The following ENTREP2 variants were observed in gnomAD, a reference collection of about 807,000 sequenced individuals.
ENTREP2 encodes the protein protein ENTREP2.
the ENTREP2 span, chr15:29,609,822 T>C: frequency 1.3e-5 from 2 of 150,498 alleles, no homozygotes; most frequent in African/African-American, 2.4e-5. Flanking sequence ...AATAGTTCAA[T>C]AAGGATATGA....
At chr15:29,558,576 C>T in the ENTREP2 span, among the ~76,000 whole-genome samples, 5 of 149,700 alleles carry the variant, frequency 3.3e-5, no homozygotes, top group African/African-American at 4.9e-5. Flanking sequence ...CTCCAATCTA[C>T]GGCTGACCCT....
At chr15:29,656,725 G>C in the ENTREP2 span, among the ~76,000 whole-genome samples, 1 of 152,134 alleles carries the variant, frequency 6.6e-6, no homozygotes, top group Non-Finnish European at 1.5e-5. Context: ...TGGTGCAACA[G>C]ACTCTCTCAT....
chr15:29,304,329 G>C, the ENTREP2 span, among the ~76,000 whole-genome samples: 2 of 152,080 alleles, frequency 1.3e-5, no homozygotes, highest in South Asian at 4.1e-4. Context: ...CCAAAATTAA[G>C]AGAATGTACA....
At chr15:29,650,688 TTGG>T in the ENTREP2 span, among the ~76,000 whole-genome samples, 173 of 152,154 alleles carry the variant, frequency 1.1e-3, no homozygotes, top group Admixed American at 3.1e-3. Flanking sequence ...ACAACTTAAA[TTGG>T]TGGTGATGTG....
At chr15:29,649,057 T>TACACACACACACACACACACAC in the ENTREP2 span, among the ~76,000 whole-genome samples, 1 of 144,882 alleles carries the variant, frequency 6.9e-6, no homozygotes, top group Non-Finnish European at 1.5e-5. Context: ...GGGACACATG[T>TACACACACACACACACACACAC]ACACACACAC....
At chr15:29,474,448 T>C in the ENTREP2 span, among the ~76,000 whole-genome samples, 1 of 152,334 alleles carries the variant, frequency 6.6e-6, no homozygotes, top group African/African-American at 2.4e-5. Flanking sequence ...TTCAGGTTCA[T>C]GGTCAAGTCC....
chr15:29,269,405 G>C, the ENTREP2 span: 17 of 1,614,126 alleles, frequency 1.1e-5, no homozygotes, highest in Non-Finnish European at 1.4e-5. Context: ...ATCTTCTTCT[G>C]GTCTTTAATC....
the ENTREP2 span, among the ~76,000 whole-genome samples, chr15:29,229,296 A>C: frequency 2.0e-5 from 3 of 152,190 alleles, no homozygotes; most frequent in Admixed American, 1.3e-4. Flanking sequence ...TAAAGGTTAA[A>C]ATTTTGAAAT....
chr15:29,427,880 G>A, the ENTREP2 span, among the ~76,000 whole-genome samples: 1 of 152,170 alleles, frequency 6.6e-6, no homozygotes, highest in Non-Finnish European at 1.5e-5. Flanking sequence ...ACTGCCTGGT[G>A]AGAAACACCA....
At chr15:29,157,886 C>A in the ENTREP2 span, among the ~76,000 whole-genome samples, 1 of 152,048 alleles carries the variant, frequency 6.6e-6, no homozygotes, top group Non-Finnish European at 1.5e-5. Flanking sequence ...TACGCCACCA[C>A]GCCCAGCTGA....
the ENTREP2 span, among the ~76,000 whole-genome samples, chr15:29,600,494 C>T: frequency 6.8e-6 from 1 of 147,120 alleles, no homozygotes; most frequent in East Asian, 1.9e-4. Context: ...GTCATCTCAT[C>T]ATCATAGATG....
chr15:29,352,592 C>T, the ENTREP2 span, among the ~76,000 whole-genome samples: 857 of 152,280 alleles, frequency 5.6e-3, 8 homozygotes, highest in African/African-American at 0.02. Flanking sequence ...GCATCACCAG[C>T]TCATTCATCA....
At chr15:29,566,220 C>T in the ENTREP2 span, among the ~76,000 whole-genome samples, 1 of 148,902 alleles carries the variant, frequency 6.7e-6, no homozygotes, top group Non-Finnish European at 1.5e-5. Flanking sequence ...AGTGCAGTGG[C>T]GCGATCTCAC....
the ENTREP2 span, among the ~76,000 whole-genome samples, chr15:29,251,281 T>A: frequency 4.6e-5 from 7 of 152,168 alleles, 1 homozygote; most frequent in Admixed American, 4.6e-4. Flanking sequence ...GGAACCACAG[T>A]CCTATCAGGA....
At chr15:29,346,624 G>A in the ENTREP2 span, among the ~76,000 whole-genome samples, 6 of 152,264 alleles carry the variant, frequency 3.9e-5, no homozygotes, top group African/African-American at 1.4e-4. Flanking sequence ...CACAAAAAGA[G>A]TACTTTCATT....
the ENTREP2 span, among the ~76,000 whole-genome samples, chr15:29,614,657 T>G: frequency 6.6e-6 from 1 of 152,190 alleles, no homozygotes; most frequent in Non-Finnish European, 1.5e-5. Context: ...TGGGTCCCAT[T>G]CAGATCCCAT....
chr15:29,524,401 C>A, the ENTREP2 span, among the ~76,000 whole-genome samples: 1 of 152,090 alleles, frequency 6.6e-6, no homozygotes, highest in East Asian at 1.9e-4. Context: ...AAGTAGAACC[C>A]CCACACATTG....
At chr15:29,407,285 C>T in the ENTREP2 span, among the ~76,000 whole-genome samples, 1 of 152,074 alleles carries the variant, frequency 6.6e-6, no homozygotes. Flanking sequence ...AACATAATAA[C>T]GGTACAGTAA....
the ENTREP2 span, among the ~76,000 whole-genome samples, chr15:29,655,510 C>T: frequency 4.5e-4 from 68 of 151,678 alleles, no homozygotes; most frequent in Admixed American, 4.1e-3. Context: ...CACAAGAAAG[C>T]AACAAAAAGC....
Sources: allele counts gnomAD v4.1 joint callset (sites outside exome capture counted in the v4.1 genomes callset), GRCh38; gene constraint gnomAD v4.1.1; transcripts MANE v1.5; gene names NCBI Gene and HGNC (gene_info 2026-07-23, HGNC 2026-07-21).